Variants in PIGL observed in about 807,000 individuals in gnomAD.
PIGL encodes N-acetylglucosaminyl-phosphatidylinositol de-N-acetylase.
A neutral mutation model predicts 31.1 loss-of-function variants in PIGL; 22 were observed. That is an observed-to-expected ratio of 0.71 (90% confidence interval 0.51 to 1.01). The LOEUF (loss-of-function observed/expected upper bound fraction) is 1.01, where lower values mean the gene tolerates loss of function less well. Among genes scored for constraint, PIGL ranks in the 50% least tolerant of loss-of-function variants. PIGL has a pLI of 0.00. For missense variants in PIGL, 302 were observed against 315.9 expected (o/e 0.96, Z 0.33); for synonymous variants, 131 against 117.4 (o/e 1.12, Z -0.75).
intron 3 of PIGL, among the ~76,000 whole-genome samples, chr17:16,306,059 C>T (rs2093024844): frequency 6.6e-6 from 1 of 152,172 alleles, no homozygotes. Context: ...AGCAAATCTC[C>T]TGCCTCAGCC....
In PIGL at chr17:16,245,816, A is replaced by AT. The variant is rs200265120; in HGVS notation, c.335+11747dup. ...TATACACACACACACATATATATAT[A>AT]TATATTTTTTTTTGAGACGGAGTCT... On this transcript the variant is annotated intron_variant, in intron 2 of 6. Coordinates refer to ENST00000225609, the MANE Select transcript of PIGL (RefSeq NM_004278.4). 4.1e-3 allele frequency among the ~76,000 whole-genome samples: 433 copies of AT among 105,466 alleles called. 4 individuals carry two copies. Among genetic ancestry groups the AT allele is most frequent in the African/African-American group, 0.016 (399 of 24,282 alleles). 69.2% of individuals were successfully genotyped at this position (105,466 alleles called of 152,430 possible).
At chr17:16,311,558 A>T (rs1348691284) in intron 3 of PIGL, among the ~76,000 whole-genome samples, 1 of 142,682 alleles carries the variant, frequency 7.0e-6, no homozygotes, top group Non-Finnish European at 1.5e-5. Context: ...GTCAGCAGAT[A>T]AACAAGTGAA....
At chr17:16,308,778 C>G (rs1264284111) in intron 3 of PIGL, among the ~76,000 whole-genome samples, 1 of 147,246 alleles carries the variant, frequency 6.8e-6, no homozygotes, top group African/African-American at 2.5e-5. Flanking sequence ...TTTAAAAAAG[C>G]CACTGCATCC....
intron 2 of PIGL, 61 bp from the exon 3 acceptor site, chr17:16,299,827 G>C: frequency 8.2e-7 from 1 of 1,225,666 alleles, no homozygotes; most frequent in South Asian, 1.2e-5. Flanking sequence ...ACCTACTGGA[G>C]CTTAGGGAGA....
intron 2 of PIGL, among the ~76,000 whole-genome samples, chr17:16,268,291 T>C (rs956841496): frequency 1.3e-5 from 2 of 152,172 alleles, no homozygotes; most frequent in African/African-American, 4.8e-5. Context: ...ATAATAGTAG[T>C]ACAAACATAG....
At chr17:16,287,160 A>G (rs540311940) in intron 2 of PIGL, among the ~76,000 whole-genome samples, 269 of 152,150 alleles carry the variant, frequency 1.8e-3, no homozygotes, top group Non-Finnish European at 2.6e-3. Context: ...GAGAAGCCGC[A>G]GGCTGGTTCC....
chr17:16,280,821 C>T (rs1385561804), intron 2 of PIGL, among the ~76,000 whole-genome samples: 1 of 152,204 alleles, frequency 6.6e-6, no homozygotes, highest in Non-Finnish European at 1.5e-5. Context: ...TTCTCTGCCT[C>T]AGCCTCCTGA....
chr17:16,267,476 C>T (rs1420457804), intron 2 of PIGL, among the ~76,000 whole-genome samples: 1 of 152,038 alleles, frequency 6.6e-6, no homozygotes, highest in Non-Finnish European at 1.5e-5. Flanking sequence ...CCACGCAGTT[C>T]AAACGTGTTG....
rs528273635 is a variant in PIGL at position 16,304,998 on chromosome 17, G to A, written c.426+5020G>A. 5.9e-5 allele frequency among the ~76,000 whole-genome samples: 9 copies of A among 152,132 alleles called. No individual in the cohort carries two copies. In the South Asian group the frequency reaches 1.2e-3, roughly 21 times the overall value. On this transcript the variant is annotated intron_variant, in intron 3 of 6. Coordinates refer to ENST00000225609, the MANE Select transcript of PIGL (RefSeq NM_004278.4). ...CCTCCTCAGTTGTCACAATCAAAAC[G>A]TCTCTAGGCCGCAAGCAGTGGCTCA...
intron 2 of PIGL, among the ~76,000 whole-genome samples, chr17:16,284,782 G>A (rs1288960742): frequency 1.3e-5 from 2 of 152,154 alleles, no homozygotes; most frequent in Non-Finnish European, 2.9e-5. Flanking sequence ...ATTCCAGAAT[G>A]CTACGGGAGA....
intron 2 of PIGL, among the ~76,000 whole-genome samples, chr17:16,251,023 T>C (rs559879671): frequency 3.3e-5 from 5 of 152,178 alleles, no homozygotes; most frequent in Admixed American, 6.6e-5. Context: ...TAAGAGAATC[T>C]TTGTGGTCAC....
At chr17:16,243,143 C>T (rs1229145513) in intron 2 of PIGL, among the ~76,000 whole-genome samples, 3 of 152,058 alleles carry the variant, frequency 2.0e-5, no homozygotes, top group African/African-American at 4.8e-5. Flanking sequence ...CTCCACCTCT[C>T]GGGTTCAAGC....
At chr17:16,322,128 C>T (rs1053570500) in intron 6 of PIGL, among the ~76,000 whole-genome samples, 3 of 151,260 alleles carry the variant, frequency 2.0e-5, no homozygotes, top group Admixed American at 6.6e-5. Flanking sequence ...GAGTCTTGCT[C>T]TGTCACCCAG....
chr17:16,311,286 ATTTG>A (rs1226481999), intron 3 of PIGL, among the ~76,000 whole-genome samples: 1 of 119,774 alleles, frequency 8.3e-6, no homozygotes, highest in Non-Finnish European at 1.8e-5. Flanking sequence ...TCAAATTATT[ATTTG>A]TTTTTTCTTT....
At chr17:16,290,418 G>C (rs549920573) in intron 2 of PIGL, among the ~76,000 whole-genome samples, 6 of 149,518 alleles carry the variant, frequency 4.0e-5, no homozygotes, top group Admixed American at 4.0e-4. Context: ...TTTGAGACAG[G>C]GTCTCATTCT....
intron 2 of PIGL, among the ~76,000 whole-genome samples, chr17:16,265,611 G>A (rs193284181): frequency 9.3e-4 from 141 of 151,956 alleles, no homozygotes; most frequent in South Asian, 2.1e-3. Flanking sequence ...ATCGTGGCAC[G>A]TGCCTGTAGT....
chr17:16,309,641 A>C (rs973590406), intron 3 of PIGL, among the ~76,000 whole-genome samples: 3 of 152,052 alleles, frequency 2.0e-5, no homozygotes, highest in Non-Finnish European at 2.9e-5. Context: ...TGCACCTGTA[A>C]TCCCAGCTAC....
chr17:16,273,156 A>G (rs1370135899), intron 2 of PIGL, among the ~76,000 whole-genome samples: 1 of 152,240 alleles, frequency 6.6e-6, no homozygotes, highest in Non-Finnish European at 1.5e-5. Context: ...GTCTAGGAAA[A>G]GCCAACAAAC....
chr17:16,255,653 C>CA (rs1479958757), intron 2 of PIGL, among the ~76,000 whole-genome samples: 3 of 151,900 alleles, frequency 2.0e-5, no homozygotes, highest in East Asian at 1.9e-4. Flanking sequence ...CTTCCCCTTA[C>CA]AAAAAAACAA....
Sources: allele counts gnomAD v4.1 joint callset (sites outside exome capture counted in the v4.1 genomes callset), GRCh38; gene constraint gnomAD v4.1.1; transcripts MANE v1.5; gene names NCBI Gene and HGNC (gene_info 2026-07-23, HGNC 2026-07-21).